CAPS2: variants seen among roughly 807,000 people sequenced by gnomAD.
CAPS2 encodes calcyphosin-2.
CAPS2 carries 98 observed loss-of-function variants against 86.5 expected under a neutral mutation model. The ratio of observed to expected loss-of-function variants is 1.13; its 90% confidence interval spans 0.96 to 1.34. The LOEUF is 1.34. CAPS2 is among the 40% of genes most tolerant of loss of function. CAPS2 has a pLI of 0.00. For synonymous variants in CAPS2, 210 were observed against 225.1 expected (o/e 0.93, Z 0.60); for missense variants, 729 against 686.8 (o/e 1.06, Z -0.69).
At chr12:75,307,315 G>C (rs1172280871) in intron 7 of CAPS2, among the ~76,000 whole-genome samples, 1 of 152,208 alleles carries the variant, frequency 6.6e-6, no homozygotes, top group East Asian at 1.9e-4. Flanking sequence ...AATAGTTGAG[G>C]CTTTGCCTCC....
chr12:75,370,166 G>T, intron 1 of CAPS2: 3 of 1,534,136 alleles, frequency 2.0e-6, no homozygotes, highest in Non-Finnish European at 2.7e-6. Context: ...CTTCTTCTGA[G>T]AATCTTTTAA....
At chr12:75,299,333 T>C (rs1593343717) in intron 9 of CAPS2, among the ~76,000 whole-genome samples, 2 of 152,134 alleles carry the variant, frequency 1.3e-5, no homozygotes, top group Admixed American at 1.3e-4. Flanking sequence ...AAGCTTTAAA[T>C]TCACTAAACA....
chr12:75,325,246 G>T, exon 2 of CAPS2: 1 of 1,548,834 alleles, frequency 6.5e-7, no homozygotes, highest in Non-Finnish European at 8.7e-7. Flanking sequence ...TACACTGGTG[G>T]GCAAGAATTC....
At chr12:75,333,259 CAT>C (rs5799219), upstream of CAPS2, among the ~76,000 whole-genome samples, 1 of 151,778 alleles carries the variant, frequency 6.6e-6, no homozygotes, top group Admixed American at 6.6e-5. Context: ...GACACACACA[CAT>C]ATATGTGTAT....
At chr12:75,369,210 T>C (rs2044193136) in intron 1 of CAPS2, among the ~76,000 whole-genome samples, 1 of 151,974 alleles carries the variant, frequency 6.6e-6, no homozygotes, top group Non-Finnish European at 1.5e-5. Flanking sequence ...AATTTTTCAA[T>C]ACATTTTAGC....
intron 16 of CAPS2, among the ~76,000 whole-genome samples, chr12:75,280,251 A>G (rs1162967266): frequency 6.6e-6 from 1 of 151,942 alleles, no homozygotes; most frequent in East Asian, 1.9e-4. Flanking sequence ...CTTAAAATCA[A>G]TTGTAAATTG....
chr12:75,316,248 T>G, intron 6 of CAPS2, 64 bp downstream of exon 6: 1 of 1,532,020 alleles, frequency 6.5e-7, no homozygotes, highest in Non-Finnish European at 8.8e-7. Flanking sequence ...ATTCAGTCTT[T>G]AAAATCTTAG....
intron 13 of CAPS2, 75 bp from the exon 14 acceptor site, chr12:75,289,850 A>C (rs1346426923): frequency 1.9e-6 from 2 of 1,052,112 alleles, no homozygotes; most frequent in Non-Finnish European, 2.8e-6. Context: ...ATCTTTCATA[A>C]GAAAATTAAA....
At chr12:75,372,415 A>G (rs1446660221) in intron 1 of CAPS2, among the ~76,000 whole-genome samples, 1 of 152,180 alleles carries the variant, frequency 6.6e-6, no homozygotes, top group Non-Finnish European at 1.5e-5. Context: ...ACCAGGTGGC[A>G]ATCCTAACCT....
chr12:75,291,910 G>C, intron 12 of CAPS2, 90 bp from the exon 13 acceptor site: 2 of 466,172 alleles, frequency 4.3e-6, no homozygotes, highest in South Asian at 1.3e-4. Context: ...CCCTGCTCCA[G>C]ACTCAAAGAA....
chr12:75,306,316 C>T (rs117302155), intron 7 of CAPS2: 22,018 of 553,616 alleles, frequency 0.04, 624 homozygotes, highest in Non-Finnish European at 0.052. Context: ...CTGCGGGAGG[C>T]TAATCCCACT....
chr12:75,334,698 A>T, upstream of CAPS2: 3 of 1,598,632 alleles, frequency 1.9e-6, no homozygotes, highest in Non-Finnish European at 2.6e-6. Context: ...CCGCGCAGTC[A>T]GGGCATCCTC....
chr12:75,340,551 G>A (rs1196838865), intron 1 of CAPS2, among the ~76,000 whole-genome samples: 14 of 151,800 alleles, frequency 9.2e-5, no homozygotes, highest in Admixed American at 9.2e-4. Flanking sequence ...TTTTTATCAA[G>A]ACCGAAAACT....
rs190183716 is a variant in CAPS2 at position 75,360,687 on chromosome 12, C to G, written c.-395+30151G>C. 3 of 152,304 alleles carry G rather than the reference C, an allele frequency of 2.0e-5. No individual in the cohort carries two copies. The East Asian group carries it at 5.8e-4, about 29-fold the overall frequency. The allele number at this position is 152,304 out of a possible 1,614,324, so 9.4% of individuals were successfully genotyped here. A position where few individuals can be genotyped will look rare whatever the true frequency, so the allele number is the denominator to read the frequency against. On this transcript the variant is annotated intron_variant, in intron 1 of 5. Coordinates refer to the CAPS2 transcript ENST00000551829. ...TGGTGCAAGTTGTCATTTGATCTAC[C>G]ATTCTGAGGTCTGGAGAATGGTGGC...
At chr12:75,362,902 C>T (rs993284898) in intron 1 of CAPS2, among the ~76,000 whole-genome samples, 20 of 152,106 alleles carry the variant, frequency 1.3e-4, no homozygotes, top group African/African-American at 4.8e-4. Flanking sequence ...AAGAATAGAA[C>T]TTCCACGTGA....
At chr12:75,305,072 T>C (rs2038291000) in intron 7 of CAPS2, 196 bp from the exon 8 acceptor site, 1 of 411,384 alleles carries the variant, frequency 2.4e-6, no homozygotes, top group Admixed American at 4.3e-5. Context: ...TTTCCAGAAG[T>C]ATTATCCAAA....
chr12:75,373,401 C>A (rs1407194144), intron 1 of CAPS2: 1 of 152,174 alleles, frequency 6.6e-6, no homozygotes, highest in East Asian at 1.9e-4. Context: ...AGAGGTCCAT[C>A]CACATACCTC....
chr12:75,304,988 ACT>A (rs745591171), intron 7 of CAPS2, 112 bp from the exon 8 acceptor site: 4 of 700,348 alleles, frequency 5.7e-6, no homozygotes, highest in South Asian at 5.1e-5. Flanking sequence ...AATTTACAAC[ACT>A]GTCAGAATAT....
intron 1 of CAPS2, among the ~76,000 whole-genome samples, chr12:75,372,365 T>C (rs151284601): frequency 6.6e-6 from 1 of 152,248 alleles, no homozygotes; most frequent in Non-Finnish European, 1.5e-5. Context: ...CTATAACTCT[T>C]GTTAGCCTGT....
Sources: allele counts gnomAD v4.1 joint callset (sites outside exome capture counted in the v4.1 genomes callset), GRCh38; gene constraint gnomAD v4.1.1; transcripts MANE v1.5; gene names NCBI Gene and HGNC (gene_info 2026-07-23, HGNC 2026-07-21).